Variants in ELP4 observed in about 807,000 individuals in gnomAD.
ELP4 encodes the protein elongator acetyltransferase complex subunit 4.
In ELP4, 51 loss-of-function variants were observed where a neutral mutation model predicts 48.9. The observed-to-expected ratio is 1.04, with a 90% confidence interval of 0.83 to 1.32. ELP4 has a LOEUF of 1.32. ELP4 is among the 40% of genes most tolerant of loss of function. ELP4 has a pLI of 0.00. For missense variants in ELP4, 519 were observed against 514.6 expected, an observed-to-expected ratio of 1.01 and a Z score of -0.08; for synonymous variants, 210 against 189.2, an observed-to-expected ratio of 1.11 and a Z score of -0.90.
At chr11:31,742,090 A>G (rs1947467294) in intron 9 of ELP4, among the ~76,000 whole-genome samples, 1 of 152,218 alleles carries the variant, frequency 6.6e-6, no homozygotes, top group South Asian at 2.1e-4. Flanking sequence ...CAAGAGCTAC[A>G]TGACGAATGC....
At position 31,623,643 on chromosome 11, in the gene ELP4, T is replaced by G. The variant is rs185002568; in HGVS notation, c.654-3467T>G. On this transcript the variant is annotated intron_variant, in intron 5 of 9. Transcript: ENST00000640961. ...ATAAAATTTTAAGCATTGTTGATGA[T>G]TGACTTGTTTTATGTCAGGGTTAAA... 5.8e-3 allele frequency among the ~76,000 whole-genome samples: 869 copies of G among 150,856 alleles called. 6 individuals are homozygous for G. Among genetic ancestry groups the G allele is most frequent in the Non-Finnish European group, 8.9e-3 (602 of 67,418 alleles).
chr11:31,526,571 A>T (rs145487369), intron 2 of ELP4, among the ~76,000 whole-genome samples: 1 of 152,022 alleles, frequency 6.6e-6, no homozygotes, highest in Non-Finnish European at 1.5e-5. Context: ...ATCCTCTGAA[A>T]TAACTTACAG....
chr11:31,539,572 T>C (rs1450411734), intron 2 of ELP4, 90 bp from the exon 3 acceptor site: 3 of 1,339,488 alleles, frequency 2.2e-6, no homozygotes, highest in East Asian at 2.4e-5. Flanking sequence ...GGAAAAAAAA[T>C]ATAAAAACAT....
intron 9 of ELP4, among the ~76,000 whole-genome samples, chr11:31,691,949 C>T (rs1181375677): frequency 2.0e-5 from 3 of 152,118 alleles, no homozygotes; most frequent in African/African-American, 7.2e-5. Flanking sequence ...TTAAAGAACT[C>T]ATAGATTTGG....
intron 3 of ELP4, chr11:31,573,487 T>C (rs976840699): frequency 6.6e-6 from 1 of 152,186 alleles, no homozygotes; most frequent in Non-Finnish European, 1.5e-5. Context: ...AAGTCCAAGA[T>C]CAAGGTTTCA....
intron 9 of ELP4, among the ~76,000 whole-genome samples, chr11:31,731,148 T>G (rs1947178041): frequency 6.6e-6 from 1 of 152,264 alleles, no homozygotes; most frequent in South Asian, 2.1e-4. Context: ...CTTTGTCAAA[T>G]GTGTAGATAC....
At chr11:31,668,055 A>T (rs1297263770) in intron 9 of ELP4, among the ~76,000 whole-genome samples, 1 of 152,204 alleles carries the variant, frequency 6.6e-6, no homozygotes, top group African/African-American at 2.4e-5. Context: ...CTTTATAGTA[A>T]ATATTCAAAA....
intron 6 of ELP4, among the ~76,000 whole-genome samples, chr11:31,630,184 T>C (rs1052868414): frequency 6.6e-6 from 1 of 151,710 alleles, no homozygotes; most frequent in Non-Finnish European, 1.5e-5. Context: ...TTTTAGGTCC[T>C]TAGAGTCAGG....
chr11:31,518,494 A>ATTTTTTTT (rs539723681), intron 1 of ELP4, among the ~76,000 whole-genome samples: 1 of 122,844 alleles, frequency 8.1e-6, no homozygotes, highest in Non-Finnish European at 1.7e-5. Context: ...CATAGTTCAG[A>ATTTTTTTT]TTTTTTTTTT....
intron 9 of ELP4, among the ~76,000 whole-genome samples, chr11:31,740,981 C>G (rs1284158405): frequency 6.6e-6 from 1 of 152,230 alleles, no homozygotes; most frequent in Admixed American, 6.5e-5. Context: ...AGGGAATTCC[C>G]TTTCCTAGTC....
At chr11:31,510,054 G>T (rs1453113767) in intron 1 of ELP4, 47 bp downstream of exon 1, 1 of 1,568,908 alleles carries the variant, frequency 6.4e-7, no homozygotes, top group Admixed American at 1.7e-5. Context: ...GAAACTTAGG[G>T]AGGGGACCTG....
chr11:31,749,069 G>A (rs1460706806), intron 9 of ELP4, among the ~76,000 whole-genome samples: 1 of 152,174 alleles, frequency 6.6e-6, no homozygotes, highest in African/African-American at 2.4e-5. Context: ...ATAGAATCTG[G>A]CCTGAGAGAA....
chr11:31,648,354 A>G (rs988663696), intron 8 of ELP4: 2 of 151,574 alleles, frequency 1.3e-5, no homozygotes, highest in African/African-American at 4.8e-5. Context: ...AGTTATGAAC[A>G]AATTATAAAA....
chr11:31,710,731 T>C (rs1033841185), intron 9 of ELP4, among the ~76,000 whole-genome samples: 1 of 152,254 alleles, frequency 6.6e-6, no homozygotes, highest in Non-Finnish European at 1.5e-5. Flanking sequence ...AAATGGACTT[T>C]GGATACCTCT....
intron 2 of ELP4, among the ~76,000 whole-genome samples, chr11:31,525,168 T>G (rs1956278487): frequency 6.6e-6 from 1 of 152,220 alleles, no homozygotes; most frequent in Non-Finnish European, 1.5e-5. Context: ...TCACAAGGCC[T>G]AAAATACTTG....
chr11:31,578,893 A>T (rs1474126149), intron 3 of ELP4, among the ~76,000 whole-genome samples: 2 of 152,206 alleles, frequency 1.3e-5, no homozygotes, highest in Non-Finnish European at 2.9e-5. Context: ...GGACTTCATG[A>T]CTAAAACACC....
chr11:31,584,178 A>G (rs1381965351), intron 3 of ELP4, among the ~76,000 whole-genome samples: 1 of 152,058 alleles, frequency 6.6e-6, no homozygotes, highest in African/African-American at 2.4e-5. Flanking sequence ...CAAGCTAGAT[A>G]TAAGTTAATT....
At chr11:31,552,019 T>C (rs777774966) in intron 3 of ELP4, among the ~76,000 whole-genome samples, 1 of 152,178 alleles carries the variant, frequency 6.6e-6, no homozygotes, top group Non-Finnish European at 1.5e-5. Context: ...ATTTGAGATA[T>C]TTTATCTAGA....
At position 31,789,463 on chromosome 11, in the gene ELP4, A is replaced by T; in HGVS notation, c.*5939A>T. 2.1e-6 allele frequency: 1 copy of T among 485,512 alleles called. No individual in the cohort carries two copies. Among genetic ancestry groups the T allele is most frequent in the African/African-American group, 2.0e-5 (1 of 50,252 alleles). The allele number at this position is 485,512 out of a possible 1,614,324, so 30.1% of individuals were successfully genotyped here. ...AGGTTTAATTATATGCAAAGGAATG[A>T]TACAAACTTGGAACATCAGTCCATA... On this transcript the variant is annotated 3_prime_UTR_variant, in exon 10 of 10. Coordinates refer to ENST00000640961, the MANE Select transcript of ELP4 (RefSeq NM_019040.5).
Sources: gnomAD v4.1 joint callset for allele counts (sites outside exome capture counted in the v4.1 genomes callset) on GRCh38, gnomAD v4.1.1 for gene constraint, MANE v1.5 for transcripts, NCBI Gene and HGNC (gene_info 2026-07-23, HGNC 2026-07-21) for gene names.